SOX6: variants seen among roughly 807,000 people sequenced by gnomAD.
SOX6 encodes the protein SRY-box transcription factor 6, also known as transcription factor SOX-6.
A neutral mutation model predicts 97.8 loss-of-function variants in SOX6; 11 were observed. That is an observed-to-expected ratio of 0.11 (90% confidence interval 0.07 to 0.19). SOX6 has a LOEUF of 0.19. Ranked by LOEUF, SOX6 falls within the 10% of genes least tolerant of loss-of-function variation. The pLI is 1.00. For missense variants in SOX6, 810 were observed against 1,039.5 expected, an observed-to-expected ratio of 0.78 and a Z score of 3.04; for synonymous variants, 360 against 371.4, an observed-to-expected ratio of 0.97 and a Z score of 0.35.
chr11:16,260,640 T>C (rs867732530), intron 3 of SOX6, among the ~76,000 whole-genome samples: 1 of 152,212 alleles, frequency 6.6e-6, no homozygotes, highest in African/African-American at 2.4e-5. Context: ...CTACCTGCTC[T>C]AGCTAGAAGT....
intron 4 of SOX6, among the ~76,000 whole-genome samples, chr11:16,533,631 G>GAGT (rs1861266626): frequency 6.6e-6 from 1 of 151,908 alleles, no homozygotes; most frequent in Non-Finnish European, 1.5e-5. Context: ...TTCTGAAAAA[G>GAGT]AGTAATATTG....
chr11:16,399,129 C>T (rs1858468660), intron 1 of SOX6, among the ~76,000 whole-genome samples: 1 of 151,134 alleles, frequency 6.6e-6, no homozygotes, highest in Non-Finnish European at 1.5e-5. Context: ...TGCTTCAGTT[C>T]CTCATCTGTA....
At chr11:16,429,740 C>T (rs1417255084) in intron 1 of SOX6, among the ~76,000 whole-genome samples, 1 of 151,908 alleles carries the variant, frequency 6.6e-6, no homozygotes, top group Non-Finnish European at 1.5e-5. Flanking sequence ...AGGCTTAATA[C>T]CTGGGTAATA....
At chr11:16,669,565 G>A (rs903280900) in intron 3 of SOX6, among the ~76,000 whole-genome samples, 11 of 152,238 alleles carry the variant, frequency 7.2e-5, no homozygotes, top group Admixed American at 3.9e-4. Context: ...CCCGGCTGGG[G>A]CTATTGAGCC....
intron 13 of SOX6, among the ~76,000 whole-genome samples, chr11:16,003,357 T>C (rs1156911971): frequency 6.6e-6 from 1 of 152,104 alleles, no homozygotes; most frequent in Non-Finnish European, 1.5e-5. Flanking sequence ...AAGACTCGTC[T>C]CAGGTATTAT....
intron 3 of SOX6, among the ~76,000 whole-genome samples, chr11:16,694,953 GT>G (rs1315446065): frequency 2.6e-5 from 4 of 152,218 alleles, no homozygotes; most frequent in African/African-American, 9.6e-5. Context: ...GGCATTATAA[GT>G]AATTTAGAGA....
At chr11:16,639,218 T>C (rs1435039222) in intron 3 of SOX6, among the ~76,000 whole-genome samples, 2 of 152,194 alleles carry the variant, frequency 1.3e-5, no homozygotes, top group Admixed American at 6.5e-5. Flanking sequence ...AAAGATCAGA[T>C]AGTTGTAGAT....
At chr11:16,349,674 GAGGAAGGAAGGAAGGAAGGA>G (rs1296857091) in intron 1 of SOX6, among the ~76,000 whole-genome samples, 2 of 66,912 alleles carry the variant, frequency 3.0e-5, no homozygotes, top group Non-Finnish European at 5.9e-5. Flanking sequence ...GGGAGGGAGG[GAGGAAGGAAGGAAGGAAGGA>G]AGGAAGGAAG....
intron 4 of SOX6, among the ~76,000 whole-genome samples, chr11:16,589,138 G>A: frequency 6.6e-6 from 1 of 152,168 alleles, no homozygotes; most frequent in East Asian, 1.9e-4. Flanking sequence ...ATTCTTCAGA[G>A]GGACTATGTC....
chr11:16,036,729 A>G (rs1564919039), intron 12 of SOX6, among the ~76,000 whole-genome samples: 1 of 152,182 alleles, frequency 6.6e-6, no homozygotes, highest in African/African-American at 2.4e-5. Context: ...TTTTAAGCAG[A>G]GCACCCTCCT....
chr11:16,355,290 G>T (rs911276476), intron 1 of SOX6, among the ~76,000 whole-genome samples: 2 of 152,014 alleles, frequency 1.3e-5, no homozygotes, highest in Non-Finnish European at 2.9e-5. Context: ...TTTGAACTTT[G>T]ACAGGCATGA....
intron 12 of SOX6, among the ~76,000 whole-genome samples, chr11:16,043,330 T>C (rs1855731638): frequency 6.6e-6 from 1 of 152,102 alleles, no homozygotes; most frequent in Non-Finnish European, 1.5e-5. Flanking sequence ...TGACAATTCA[T>C]GCACAGAAGC....
intron 4 of SOX6, among the ~76,000 whole-genome samples, chr11:16,609,836 T>G (rs868003460): frequency 1.3e-5 from 2 of 152,316 alleles, no homozygotes; most frequent in South Asian, 2.1e-4. Flanking sequence ...GACTGTGAGT[T>G]AAACTGACTT....
At chr11:16,053,067 C>T (rs908939807) in intron 10 of SOX6, among the ~76,000 whole-genome samples, 13 of 152,088 alleles carry the variant, frequency 8.5e-5, no homozygotes, top group Non-Finnish European at 1.9e-4. Context: ...TCTCTGGTAC[C>T]CTGTCTCACA....
chr11:16,550,929 A>T (rs1215017991), intron 4 of SOX6, among the ~76,000 whole-genome samples: 2 of 152,144 alleles, frequency 1.3e-5, no homozygotes, highest in Non-Finnish European at 2.9e-5. Context: ...ACAAGATGGT[A>T]AATTAAGGCC....
At chr11:16,374,478 C>A (rs546843730) in intron 1 of SOX6, among the ~76,000 whole-genome samples, 1 of 151,998 alleles carries the variant, frequency 6.6e-6, no homozygotes, top group African/African-American at 2.4e-5. Context: ...TTAACTTCTA[C>A]ATTTATGCAA....
chr11:16,068,637 G>C (rs1409122618), intron 9 of SOX6, among the ~76,000 whole-genome samples: 4 of 152,022 alleles, frequency 2.6e-5, no homozygotes, highest in African/African-American at 9.7e-5. Context: ...CTACATATTA[G>C]GTTTATTCCC....
At chr11:16,230,164 T>G (rs1366523809) in intron 4 of SOX6, among the ~76,000 whole-genome samples, 1 of 151,854 alleles carries the variant, frequency 6.6e-6, no homozygotes, top group Non-Finnish European at 1.5e-5. Flanking sequence ...GAACAATATC[T>G]TTAAATGAAA....
At chr11:16,115,818 T>C (rs1029204559) in intron 6 of SOX6, among the ~76,000 whole-genome samples, 1 of 152,204 alleles carries the variant, frequency 6.6e-6, no homozygotes, top group African/African-American at 2.4e-5. Context: ...CTGAAAATAA[T>C]TTTGTGTTTC....
Sources: gnomAD v4.1 joint callset for allele counts (sites outside exome capture counted in the v4.1 genomes callset) on GRCh38, gnomAD v4.1.1 for gene constraint, MANE v1.5 for transcripts, NCBI Gene and HGNC (gene_info 2026-07-23, HGNC 2026-07-21) for gene names.